Variants in SEL1L3 observed in about 807,000 individuals in gnomAD.
The protein encoded by SEL1L3 is SEL1L family member 3, also known as protein sel-1 homolog 3.
In SEL1L3, 76 loss-of-function variants were observed where a neutral mutation model predicts 142.8. The ratio of observed to expected loss-of-function variants is 0.53; its 90% CI spans 0.44 to 0.64. The LOEUF (loss-of-function observed/expected upper bound fraction) is 0.64. Among genes scored for constraint, SEL1L3 ranks in the 30% least tolerant of loss-of-function variants. The probability of loss-of-function intolerance (pLI) is 0.00; values close to 1 mark genes in which losing one functional copy is unlikely to be tolerated. For missense variants in SEL1L3, 1,262 were observed against 1,381.7 expected (o/e 0.91, Z 1.37); for synonymous variants, 504 against 519.6 (o/e 0.97, Z 0.41).
intron 1 of SEL1L3, among the ~76,000 whole-genome samples, chr4:25,855,747 C>T (rs770088270): frequency 1.7e-4 from 26 of 151,598 alleles, no homozygotes; most frequent in Non-Finnish European, 2.4e-4. Context: ...GACAACAGAG[C>T]GAGATTCCGT....
chr4:25,764,219 A>T (rs1718570541), intron 20 of SEL1L3, among the ~76,000 whole-genome samples: 1 of 152,236 alleles, frequency 6.6e-6, no homozygotes, highest in African/African-American at 2.4e-5. Context: ...AGTCATGAAG[A>T]TGAGAAAAGA....
chr4:25,816,852 C>T (rs1221003431), intron 9 of SEL1L3, among the ~76,000 whole-genome samples: 2 of 152,114 alleles, frequency 1.3e-5, no homozygotes, highest in Admixed American at 1.3e-4. Context: ...ATTCCCACCT[C>T]CAACTCTCTT....
Position 25,830,129 on chromosome 4 carries a change from C to A in SEL1L3, c.1126G>T (p.Asp376Tyr). Reference sequence around the variant, plus strand: ...GTCTGATTGTGGTAGCTTTTCAAATCCTGTCCAATGCTAGTGGTTACTACT... The same window carrying A: ...GTCTGATTGTGGTAGCTTTTCAAATACTGTCCAATGCTAGTGGTTACTACT... ...QIVVTTSIGQ[D>Y]LKSYHNQTIS... is the part of the protein sequence containing the mutation. Residue 376 changes from aspartate to tyrosine, a missense_variant, in exon 6 of 24, where the codon GAT (aspartate) becomes TAT (tyrosine). By Grantham distance (160) the Asp-to-Tyr change is radical. Around this residue, in one of 3 missense-constraint regions of SEL1L3, gnomAD observed 689 missense variants for 692.8 expected, o/e 0.99. Coordinates refer to ENST00000399878, the MANE Select transcript of SEL1L3 (RefSeq NM_015187.5). 6.2e-7 allele frequency: 1 copy of A among 1,611,250 alleles called. No individual in the cohort carries two copies. Among genetic ancestry groups the A allele is most frequent in the Non-Finnish European group, 8.5e-7 (1 of 1,177,562 alleles).
chr4:25,858,345 C>T lies in SEL1L3; in HGVS notation c.162+4330G>A, dbSNP rs139110480. Among the ~76,000 whole-genome samples, 107 of 152,282 alleles carry T rather than the reference C, an allele frequency of 7.0e-4. 2 individuals are homozygous for T. In the East Asian group the frequency reaches 0.014, roughly 20 times the overall value. On this transcript the variant is annotated intron_variant, in intron 1 of 23. Transcript: ENST00000399878. ...TTTTCAAATATTCATAATACCTCTC[C>T]CTCAAGCTAGATAACTGCAGATCTC...
chr4:25,740,941 C>T, the SEL1L3 span, among the ~76,000 whole-genome samples: 9 of 151,142 alleles, frequency 6.0e-5, no homozygotes, highest in South Asian at 2.1e-4. Flanking sequence ...CCCCCCACCA[C>T]GCCTGGCTAA....
intron 9 of SEL1L3, among the ~76,000 whole-genome samples, chr4:25,807,225 C>T (rs1459456378): frequency 1.3e-5 from 2 of 152,184 alleles, no homozygotes; most frequent in Admixed American, 6.5e-5. Context: ...TTTTAGACTC[C>T]TGTGTTGTTT....
Position 25,826,658 on chromosome 4 carries a change from C to G in SEL1L3, c.1157+3440G>C, listed in dbSNP as rs1715113783. ...CACTCCTGCGTCTGAGTACGGCTAG[C>G]TTTTTTGGTTTGTTTTGTTTTTTGT... On this transcript the variant is annotated intron_variant, in intron 6 of 23. Transcript: ENST00000399878. 2.0e-5 allele frequency among the ~76,000 whole-genome samples: 3 copies of G among 151,992 alleles called. No individual in the cohort carries two copies. In the South Asian group the frequency reaches 6.2e-4, roughly 32 times the overall value.
intron 9 of SEL1L3, among the ~76,000 whole-genome samples, chr4:25,811,075 A>G (rs752742): frequency 0.15 from 23,052 of 152,076 alleles, 5,896 homozygotes; most frequent in African/African-American, 0.52. Context: ...GCTGGTCCAC[A>G]ATTCTCACTG....
chr4:25,828,401 T>G (rs1428722017), intron 6 of SEL1L3, among the ~76,000 whole-genome samples: 3 of 151,524 alleles, frequency 2.0e-5, no homozygotes, highest in East Asian at 3.9e-4. Flanking sequence ...TTTTTTTTTT[T>G]TTGTTAAGAT....
At chr4:25,768,990 A>G (rs1718962706) in intron 17 of SEL1L3, among the ~76,000 whole-genome samples, 1 of 149,124 alleles carries the variant, frequency 6.7e-6, no homozygotes, top group Non-Finnish European at 1.5e-5. Context: ...AATGCAGGTA[A>G]TTTTTATTCT....
At chr4:25,801,574 AT>A (rs1456408762) in intron 11 of SEL1L3, among the ~76,000 whole-genome samples, 1 of 152,168 alleles carries the variant, frequency 6.6e-6, no homozygotes, top group Admixed American at 6.5e-5. Context: ...AGTTGGTGTA[AT>A]GTAATACATT....
At chr4:25,724,764 A>AAAAG in the SEL1L3 span, among the ~76,000 whole-genome samples, 571 of 28,022 alleles carry the variant, frequency 0.02, 32 homozygotes, top group Non-Finnish European at 0.026. Context: ...AAAAAAAAAA[A>AAAAG]AAAAAAAGGA....
At chr4:25,849,850 C>T (rs1299351962) in intron 1 of SEL1L3, among the ~76,000 whole-genome samples, 2 of 152,102 alleles carry the variant, frequency 1.3e-5, no homozygotes, top group African/African-American at 4.8e-5. Flanking sequence ...TAAATAATGG[C>T]AATACAGGCG....
chr4:25,823,134 A>G (rs1714877282), intron 6 of SEL1L3, among the ~76,000 whole-genome samples: 1 of 152,238 alleles, frequency 6.6e-6, no homozygotes, highest in Non-Finnish European at 1.5e-5. Context: ...GATGAAGTGC[A>G]TGAGGGTAGG....
intron 2 of SEL1L3, 99 bp from the exon 3 acceptor site, chr4:25,835,422 C>T: frequency 1.5e-6 from 2 of 1,321,418 alleles, no homozygotes; most frequent in Non-Finnish European, 2.1e-6. Flanking sequence ...TCCAATCAAA[C>T]ATTTAAGTGA....
chr4:25,714,704 G>A, the SEL1L3 span, among the ~76,000 whole-genome samples: 1 of 151,234 alleles, frequency 6.6e-6, no homozygotes, highest in Admixed American at 6.6e-5. Flanking sequence ...CTGAGTAGCT[G>A]GGATTACAGG....
chr4:25,784,657 A>G (rs144400801), intron 13 of SEL1L3, among the ~76,000 whole-genome samples: 3 of 152,308 alleles, frequency 2.0e-5, no homozygotes, highest in South Asian at 2.1e-4. Context: ...AAAGCACTTT[A>G]TCTGTGTTGG....
intron 9 of SEL1L3, among the ~76,000 whole-genome samples, chr4:25,805,520 A>G (rs1044425578): frequency 6.6e-6 from 1 of 151,846 alleles, no homozygotes; most frequent in Non-Finnish European, 1.5e-5. Flanking sequence ...AAAGTCAATC[A>G]GTTGCCTTAA....
downstream of SEL1L3, among the ~76,000 whole-genome samples, chr4:25,744,288 AG>A (rs970254174): frequency 1.3e-4 from 19 of 150,740 alleles, no homozygotes; most frequent in African/African-American, 4.6e-4. Flanking sequence ...CAGTATTTGA[AG>A]ATAGGGCCTT....
Sources: allele counts gnomAD v4.1 joint callset (sites outside exome capture counted in the v4.1 genomes callset), GRCh38; gene constraint gnomAD v4.1.1; regional missense constraint gnomAD v4.1.1; transcripts MANE v1.5; gene names NCBI Gene and HGNC (gene_info 2026-07-23, HGNC 2026-07-21).